The following CFAP100 variants were observed in gnomAD, a reference collection of about 807,000 sequenced individuals.
The protein encoded by CFAP100 is cilia and flagella associated protein 100.
A neutral mutation model predicts 81.5 loss-of-function variants in CFAP100; 70 were observed. The observed-to-expected ratio is 0.86, with a 90% CI of 0.71 to 1.05. The LOEUF is 1.05. Among genes scored for constraint, CFAP100 ranks in the 50% least tolerant of loss-of-function variants. The pLI, the probability that CFAP100 is intolerant of heterozygous loss-of-function variation, is 0.00. For missense variants in CFAP100, 811 were observed against 776.5 expected (o/e 1.04, Z -0.53); for synonymous variants, 341 against 314.8 (o/e 1.08, Z -0.88).
At chr3:126,418,025 T>TGGTC in intron 5 of CFAP100, 1 of 186,686 alleles carries the variant, frequency 5.4e-6, no homozygotes, top group South Asian at 1.1e-4. Flanking sequence ...ACTCAGCCTC[T>TGGTC]GCCCAGTTTG....
intron 7 of CFAP100, 82 bp downstream of exon 7, chr3:126,418,856 C>T: frequency 6.9e-7 from 1 of 1,451,996 alleles, no homozygotes; most frequent in South Asian, 1.3e-5. Context: ...ACTTATCCAG[C>T]CTCTGCCCCC....
At chr3:126,416,722 A>C in intron 5 of CFAP100, 1 of 487,306 alleles carries the variant, frequency 2.1e-6, no homozygotes, top group South Asian at 3.7e-5. Flanking sequence ...TTTCAATCCT[A>C]ATAGAATAGT....
Position 126,418,686 on chromosome 3 carries a change from C to T in CFAP100, c.562C>T (p.Arg188Trp), listed in dbSNP as rs748730480. The T allele has an allele frequency of 1.0e-5, 16 of 1,582,168 alleles. No homozygotes were observed. The highest frequency in any genetic ancestry group is 3.7e-5 in the Admixed American group (2 of 53,552). Residue 188 changes from arginine (R) to tryptophan (W), a missense_variant, in exon 7 of 17, where the codon CGG (arginine) becomes TGG (tryptophan). Coordinates refer to ENST00000352312, the MANE Select transcript of CFAP100 (RefSeq NM_182628.3). ...GACCAAAGAGGAGGCCAGGCTGGAG[C>T]GGGCCGAGAAATCCCTGGAGAAGGA... ...LATKEEARLE[R>W]AEKSLEKDAA...
intron 5 of CFAP100, among the ~76,000 whole-genome samples, chr3:126,417,393 G>A (rs1201317173): frequency 1.3e-5 from 2 of 152,224 alleles, no homozygotes; most frequent in African/African-American, 4.8e-5. Flanking sequence ...GTTAGAAGCA[G>A]TCAGTCAGAT....
intron 12 of CFAP100, 51 bp from the exon 13 acceptor site, chr3:126,423,442 C>G (rs1576641273): frequency 1.2e-6 from 2 of 1,609,514 alleles, no homozygotes; most frequent in African/African-American, 1.3e-5. Context: ...CCCACCCCTG[C>G]CCCTCTGGCT....
intron 11 of CFAP100, among the ~76,000 whole-genome samples, chr3:126,421,923 T>A (rs1450600456): frequency 9.9e-5 from 15 of 152,206 alleles, no homozygotes; most frequent in Admixed American, 9.8e-4. Context: ...GAGGTTCTAA[T>A]GTATGCAGTG....
Position 126,418,834 on chromosome 3 carries a change from C to T in CFAP100, c.650+60C>T, listed in dbSNP as rs547632200. 1.9e-4 allele frequency: 278 copies of T among 1,496,406 alleles called. 1 individual carries two copies. In the African/African-American group the frequency reaches 3.6e-3, roughly 20 times the overall value. The allele number at this position is 1,496,406 out of a possible 1,614,324, so 92.7% of individuals were successfully genotyped here. A position where few individuals can be genotyped will look rare whatever the true frequency, so the allele number is the denominator to read the frequency against. Reference sequence around the variant, plus strand: ...TGCCGAACCCCCACTGTCCCTGAGCCTGTGCACACCCACTTATCCAGCCTC... The same window carrying T: ...TGCCGAACCCCCACTGTCCCTGAGCTTGTGCACACCCACTTATCCAGCCTC... On this transcript the variant is annotated intron_variant, in intron 7 of 16. Coordinates refer to ENST00000352312, the MANE Select transcript of CFAP100 (RefSeq NM_182628.3).
In CFAP100 at chr3:126,416,494, T is replaced by C; in HGVS notation, c.404T>C (p.Leu135Pro). The change falls in exon 5 of 17, where the codon CTC becomes CCC. Residue 135 changes from leucine (L) to proline (P), a missense_variant. By Grantham distance (98) the Leu-to-Pro change is moderately conservative (BLOSUM62 -3). Coordinates refer to ENST00000352312, the MANE Select transcript of CFAP100 (RefSeq NM_182628.3). ...TTCCGCGACTACACGACCTGGAAGC[T>C]CACCTTGACCAAAGGTGCGTCCCCT... is the stretch of plus-strand genomic sequence containing the variant. ...RAFRDYTTWK[L>P]TLTKEKNVEP... is the part of the protein sequence containing the mutation. 1 of 1,594,994 alleles carries C rather than the reference T, an allele frequency of 6.3e-7. No individual in the cohort carries two copies. Among genetic ancestry groups the C allele is most frequent in the Non-Finnish European group, 8.5e-7 (1 of 1,169,802 alleles).
intron 4 of CFAP100, 76 bp from the exon 5 acceptor site, chr3:126,416,240 A>T: frequency 1.0e-6 from 1 of 988,988 alleles, no homozygotes; most frequent in Non-Finnish European, 1.4e-6. Context: ...CGTCCCTAGG[A>T]ATGGGGAACC....
chr3:126,430,824 T>C (rs1933189048), intron 13 of CFAP100, among the ~76,000 whole-genome samples: 1 of 152,148 alleles, frequency 6.6e-6, no homozygotes, highest in Non-Finnish European at 1.5e-5. Context: ...TGATTTTGTT[T>C]AGTTGCCTAT....
intron 4 of CFAP100, among the ~76,000 whole-genome samples, chr3:126,414,638 C>T (rs562201627): frequency 1.3e-5 from 2 of 152,348 alleles, no homozygotes; most frequent in South Asian, 2.1e-4. Context: ...CAGCCGCCCA[C>T]GGCACGCACA....
intron 3 of CFAP100, among the ~76,000 whole-genome samples, chr3:126,409,560 C>A (rs1490516055): frequency 6.6e-6 from 1 of 152,216 alleles, no homozygotes; most frequent in Non-Finnish European, 1.5e-5. Context: ...ACAGTCCCAC[C>A]AACAGGCATA....
At chr3:126,419,613 C>G (rs1287946537) in intron 8 of CFAP100, 24 bp from the exon 9 acceptor site, 1 of 1,607,400 alleles carries the variant, frequency 6.2e-7, no homozygotes, top group Non-Finnish European at 8.5e-7. Context: ...CTCCTTCCCA[C>G]ATCCTCACCC....
At chr3:126,409,814 A>C (rs572758588) in intron 3 of CFAP100, among the ~76,000 whole-genome samples, 29 of 152,178 alleles carry the variant, frequency 1.9e-4, no homozygotes, top group African/African-American at 7.0e-4. Flanking sequence ...TCTTTACTGG[A>C]TAGAAGTCAT....
In CFAP100 at chr3:126,407,161, T is replaced by A. The variant is rs1227956216; in HGVS notation, c.50-11T>A. 6.2e-7 allele frequency: 1 copy of A among 1,609,392 alleles called. No homozygotes were observed. The highest frequency in any genetic ancestry group is 8.5e-7 in the Non-Finnish European group (1 of 1,176,208). ...GTCACTGCTGCGGCCCTCACTTTTG[T>A]GTCTCCTCAGAGAACAGCCTGGAAT... On this transcript the variant is annotated splice_polypyrimidine_tract_variant and intron_variant, in intron 2 of 16. Coordinates refer to ENST00000352312, the MANE Select transcript of CFAP100 (RefSeq NM_182628.3).
chr3:126,415,032 G>A (rs563239628), intron 4 of CFAP100, among the ~76,000 whole-genome samples: 1 of 152,256 alleles, frequency 6.6e-6, no homozygotes, highest in East Asian at 1.9e-4. Context: ...TGTGGGCTGT[G>A]ATTCCTAGAC....
chr3:126,423,340 C>G lies in CFAP100; in HGVS notation c.1098C>G (p.Ile366Met), dbSNP rs760468157. 2.5e-6 allele frequency: 4 copies of G among 1,611,476 alleles called. 1 individual carries two copies. In the Admixed American group the frequency reaches 5.0e-5, roughly 20 times the overall value. ...CTCTTCGCAGGTCGAACTCTCCCATCCCCCCCACGCAGGAGGACACCGACA... is the reference window on the plus strand; with the variant it reads ...CTCTTCGCAGGTCGAACTCTCCCATGCCCCCCACGCAGGAGGACACCGACA... ...GGDSRGSNSP[I>M]PPTQEDTDSD... The change falls in exon 12 of 17, where the codon ATC becomes ATG. Residue 366 changes from isoleucine (I) to methionine (M), a missense_variant. Physicochemically the swap from Ile to Met is conservative, Grantham distance 10. Coordinates refer to ENST00000352312, the MANE Select transcript of CFAP100 (RefSeq NM_182628.3).
At chr3:126,396,965 G>T (rs1164294258) in intron 2 of CFAP100, among the ~76,000 whole-genome samples, 2 of 152,326 alleles carry the variant, frequency 1.3e-5, no homozygotes, top group Admixed American at 1.3e-4. Context: ...CTCCCACCCT[G>T]TCAAAGGCAT....
At chr3:126,426,403 C>G (rs1336853472) in intron 13 of CFAP100, among the ~76,000 whole-genome samples, 2 of 150,376 alleles carry the variant, frequency 1.3e-5, no homozygotes, top group African/African-American at 4.9e-5. Context: ...TGCAGTGAGC[C>G]ATGATCATGC....
Sources: gnomAD v4.1 joint callset for allele counts (sites outside exome capture counted in the v4.1 genomes callset) on GRCh38, gnomAD v4.1.1 for gene constraint, MANE v1.5 for transcripts, NCBI Gene and HGNC (gene_info 2026-07-23, HGNC 2026-07-21) for gene names.